Variants in ZRANB3 observed in about 807,000 individuals in gnomAD.
The protein encoded by ZRANB3 is zinc finger RANBP2-type containing 3, also known as DNA annealing helicase and endonuclease ZRANB3.
ZRANB3 carries 125 observed loss-of-function variants against 133.8 expected under a neutral mutation model. The observed-to-expected ratio is 0.93, with a 90% CI of 0.81 to 1.08. The LOEUF (loss-of-function observed/expected upper bound fraction) is 1.08. ZRANB3 is among the 50% of genes least tolerant of loss of function. The probability of loss-of-function intolerance (pLI) is 0.00; values close to 1 mark genes in which losing one functional copy is unlikely to be tolerated. For synonymous variants in ZRANB3, 387 were observed against 432.7 expected, an observed-to-expected ratio of 0.89 and a Z score of 1.31; for missense variants, 1,229 against 1,275.5, an observed-to-expected ratio of 0.96 and a Z score of 0.56.
Position 135,275,774 on chromosome 2 carries a change from A to C in ZRANB3, c.967-19T>G. 1 of 1,497,332 alleles carries C rather than the reference A, an allele frequency of 6.7e-7. No homozygotes were observed. Among genetic ancestry groups the C allele is most frequent in the Non-Finnish European group, 9.0e-7 (1 of 1,116,162 alleles). The allele number at this position is 1,497,332 out of a possible 1,614,324, so 92.8% of individuals were successfully genotyped here. ...CACCTGCCTAAATATTAAAAGGTAA[A>C]CCTTATTAGTGTCATAAAAATGATT... On this transcript the variant is annotated intron_variant, in intron 8 of 20. Coordinates refer to ENST00000264159, the MANE Select transcript of ZRANB3 (RefSeq NM_032143.4).
At chr2:135,418,935 T>C (rs1318121352) in intron 2 of ZRANB3, among the ~76,000 whole-genome samples, 1,065 of 103,726 alleles carry the variant, frequency 0.01, 30 homozygotes, top group African/African-American at 0.065. Flanking sequence ...CTTTTTTTTT[T>C]TTTTTTTTTT....
At position 135,504,396 on chromosome 2, in the gene ZRANB3, T is replaced by C. The variant is rs1427058307; in HGVS notation, c.94A>G (p.Arg32Gly). ...AATGGAAGTAGCTTTGCTCTTAGTCTGTCAGGCAAAAAATCCAGCAGATTA... is the reference window on the plus strand; with the variant it reads ...AATGGAAGTAGCTTTGCTCTTAGTCCGTCAGGCAAAAAATCCAGCAGATTA... Reference protein sequence around the residue: ...SDNLLDFLPDRLRAKLLPFQK... With the variant: ...SDNLLDFLPDGLRAKLLPFQK... The change falls in exon 2 of 21, where the codon AGA becomes GGA. Residue 32 changes from arginine to glycine, a missense_variant. Transcript: ENST00000264159. 1.2e-6 allele frequency: 2 copies of C among 1,613,716 alleles called. No individual in the cohort carries two copies. The highest frequency in any genetic ancestry group is 2.2e-5 in the South Asian group (2 of 91,080).
At chr2:135,364,646 G>C (rs1278334878) in intron 3 of ZRANB3, among the ~76,000 whole-genome samples, 1 of 152,050 alleles carries the variant, frequency 6.6e-6, no homozygotes, top group Admixed American at 6.6e-5. Flanking sequence ...CTACTCAGGG[G>C]GGTTGAGGCA....
chr2:135,450,936 T>C (rs1690240825), intron 2 of ZRANB3, among the ~76,000 whole-genome samples: 1 of 152,180 alleles, frequency 6.6e-6, no homozygotes, highest in Non-Finnish European at 1.5e-5. Flanking sequence ...TACTCTTCAA[T>C]GCATGCCAGT....
chr2:135,428,983 T>A (rs571318295), intron 2 of ZRANB3, among the ~76,000 whole-genome samples: 1 of 152,296 alleles, frequency 6.6e-6, no homozygotes, highest in East Asian at 1.9e-4. Flanking sequence ...TGGAGATTTC[T>A]CAAAGTACTT....
chr2:135,223,143 C>T (rs1242968359), intron 15 of ZRANB3, among the ~76,000 whole-genome samples: 1 of 150,948 alleles, frequency 6.6e-6, no homozygotes, highest in Non-Finnish European at 1.5e-5. Flanking sequence ...TCCCAGCTAC[C>T]TGGAGGCTGA....
At chr2:135,242,674 C>A (rs1027620562) in intron 12 of ZRANB3, among the ~76,000 whole-genome samples, 5 of 152,074 alleles carry the variant, frequency 3.3e-5, no homozygotes, top group Admixed American at 6.5e-5. Context: ...TCTATCTTAT[C>A]TTTCTAGATC....
chr2:135,457,773 C>T (rs1426247116), intron 2 of ZRANB3, among the ~76,000 whole-genome samples: 1 of 151,872 alleles, frequency 6.6e-6, no homozygotes, highest in East Asian at 1.9e-4. Context: ...ATTGAGTTAT[C>T]TTTTTATTGC....
At chr2:135,485,180 A>AACAT (rs1553502629) in intron 2 of ZRANB3, among the ~76,000 whole-genome samples, 5,606 of 114,840 alleles carry the variant, frequency 0.049, 157 homozygotes, top group South Asian at 0.11. Context: ...AAACAAAACA[A>AACAT]AACAAAACAT....
chr2:135,377,680 C>T (rs1686488352), intron 3 of ZRANB3, among the ~76,000 whole-genome samples: 1 of 152,170 alleles, frequency 6.6e-6, no homozygotes, highest in African/African-American at 2.4e-5. Context: ...CACACTGATA[C>T]AAATACATGA....
intron 1 of ZRANB3, among the ~76,000 whole-genome samples, chr2:135,514,937 T>C (rs1386844740): frequency 2.0e-5 from 3 of 152,178 alleles, no homozygotes. Context: ...ATGGATTACG[T>C]TTACTGATTT....
intron 2 of ZRANB3, among the ~76,000 whole-genome samples, chr2:135,392,624 C>T (rs947173008): frequency 6.6e-6 from 1 of 151,914 alleles, no homozygotes; most frequent in African/African-American, 2.4e-5. Context: ...TGACGCACCC[C>T]TGTAGTCCCA....
At chr2:135,255,912 A>ATTT (rs760364915) in intron 12 of ZRANB3, among the ~76,000 whole-genome samples, 1 of 138,954 alleles carries the variant, frequency 7.2e-6, no homozygotes, top group East Asian at 2.0e-4. Flanking sequence ...ACTCATTAAA[A>ATTT]TTTTTTTTTT....
intron 3 of ZRANB3, chr2:135,355,296 CA>C (rs1685379740): frequency 1.0e-6 from 1 of 984,422 alleles, no homozygotes; most frequent in African/African-American, 1.8e-5. Flanking sequence ...CGAAGCCACT[CA>C]AACATCACTG....
chr2:135,451,569 C>CA (rs1437109005), intron 2 of ZRANB3, among the ~76,000 whole-genome samples: 205 of 146,266 alleles, frequency 1.4e-3, no homozygotes, highest in Admixed American at 1.8e-3. Flanking sequence ...CTCAAAAAAA[C>CA]AAAAAAACAA....
chr2:135,380,539 T>G (rs891986075), intron 3 of ZRANB3, among the ~76,000 whole-genome samples: 3 of 152,144 alleles, frequency 2.0e-5, no homozygotes, highest in Non-Finnish European at 2.9e-5. Context: ...ACATGGAAAC[T>G]GAACAACCTG....
chr2:135,313,935 G>C (rs1025544558), intron 7 of ZRANB3, among the ~76,000 whole-genome samples: 1 of 152,092 alleles, frequency 6.6e-6, no homozygotes, highest in African/African-American at 2.4e-5. Context: ...TGCAATCTCG[G>C]CTCACTGCAA....
chr2:135,511,590 C>T (rs1255986044), intron 1 of ZRANB3: 10 of 865,034 alleles, frequency 1.2e-5, no homozygotes, highest in East Asian at 2.4e-5. Flanking sequence ...TTGCAACAGA[C>T]CCCTCAGGAG....
chr2:135,440,099 T>C (rs1574106250), intron 2 of ZRANB3, among the ~76,000 whole-genome samples: 2 of 152,170 alleles, frequency 1.3e-5, no homozygotes, highest in Non-Finnish European at 2.9e-5. Flanking sequence ...TTCCCTACTA[T>C]CTACATCAAG....
Sources: allele counts gnomAD v4.1 joint callset (sites outside exome capture counted in the v4.1 genomes callset), GRCh38; gene constraint gnomAD v4.1.1; transcripts MANE v1.5; gene names NCBI Gene and HGNC (gene_info 2026-07-23, HGNC 2026-07-21).